SPART: variants seen among roughly 807,000 people sequenced by gnomAD.
The protein encoded by SPART is spastic paraplegia 20 (Troyer syndrome).
Under a neutral mutation model 58.7 loss-of-function variants are expected in SPART, and 35 were observed. The ratio of observed to expected loss-of-function variants is 0.60; its 90% confidence interval spans 0.46 to 0.79. The LOEUF (loss-of-function observed/expected upper bound fraction) is 0.79. SPART is among the 30% of genes least tolerant of loss of function. The probability of loss-of-function intolerance (pLI) is 0.00; values close to 1 mark genes in which losing one functional copy is unlikely to be tolerated. For missense variants in SPART, 730 were observed against 786.1 expected (o/e 0.93, Z 0.85); for synonymous variants, 284 against 280.7 (o/e 1.01, Z -0.12).
At position 36,335,663 on chromosome 13, in the gene SPART, C is replaced by A; in HGVS notation, c.168G>T (p.Gly56=). The A allele has an allele frequency of 6.2e-7, 1 of 1,614,132 alleles. No homozygotes were observed. The highest frequency in any genetic ancestry group is 1.3e-5 in the African/African-American group (1 of 75,026). ...YKQGIGHLLR[G]ISISSKESEH... The stretch of plus-strand genomic sequence containing the variant: ...CAGACTCTTTTGATGAAATGCTGAT[C>A]CCTCTGAGCAGGTGTCCTATTCCTT... Residue 56 remains glycine, a synonymous_variant, in exon 2 of 9, where the codon GGG becomes GGT. Coordinates refer to ENST00000438666, the MANE Select transcript of SPART (RefSeq NM_015087.5).
rs565115485 is a variant in SPART at position 36,356,547 on chromosome 13, A to G, written c.-3+13542T>C. Among the ~76,000 whole-genome samples, 4 of 152,286 alleles carry G rather than the reference A, an allele frequency of 2.6e-5. No homozygotes were observed. The South Asian group carries it at 6.2e-4, about 24-fold the overall frequency. On this transcript the variant is annotated intron_variant, in intron 1 of 8. Transcript: ENST00000355182. Reference sequence around the variant, plus strand: ...GATCCCAGGTCTTTAGACAAACTCAACCGTTGACCAGAAAATGTTTAAATT... The same window carrying G: ...GATCCCAGGTCTTTAGACAAACTCAGCCGTTGACCAGAAAATGTTTAAATT...
Position 36,304,260 on chromosome 13 carries a change from C to T in SPART, c.*105G>A. 7.5e-7 allele frequency: 1 copy of T among 1,335,326 alleles called. No individual in the cohort carries two copies. The highest frequency in any genetic ancestry group is 1.4e-5 in the African/African-American group (1 of 69,230). 82.7% of individuals were successfully genotyped at this position (1,335,326 alleles called of 1,614,324 possible). A position where few individuals can be genotyped will look rare whatever the true frequency, so the allele number is the denominator to read the frequency against. ...GAAAGTTAATTTGTAGGAATGAATA[C>T]ATTTAAAAAATACTGGTTAATCTGT... On this transcript the variant is annotated 3_prime_UTR_variant, in exon 9 of 9. Transcript: ENST00000438666.
Position 36,314,289 on chromosome 13 carries a change from G to A in SPART, c.1421C>T (p.Thr474Ile), listed in dbSNP as rs760212570. 6.2e-7 allele frequency: 1 copy of A among 1,614,096 alleles called. No homozygotes were observed. Among genetic ancestry groups the A allele is most frequent in the Non-Finnish European group, 8.5e-7 (1 of 1,180,018 alleles). Residue 474 changes from threonine (T) to isoleucine (I), a missense_variant, in exon 6 of 9, where the codon ACC becomes ATC. Thr to Ile is a moderately conservative substitution (Grantham distance 89, BLOSUM62 -1). Coordinates refer to ENST00000438666, the MANE Select transcript of SPART (RefSeq NM_015087.5). ...TTGCTTCGCTATATAAAGTCCCTTG[G>A]TGACAGCTGGACTAACTTCCACGGG... ...EKPVEVSPAV[T>I]KGLYIAKQAT...
chr13:36,312,321 T>C lies in SPART; in HGVS notation c.1640A>G (p.Gln547Arg). The C allele has an allele frequency of 1.2e-6, 2 of 1,614,094 alleles. No homozygotes were observed. Among genetic ancestry groups the C allele is most frequent in the South Asian group, 2.2e-5 (2 of 91,074 alleles). Residue 547 changes from glutamine (Q) to arginine (R), a missense_variant and splice_region_variant, in exon 7 of 9, where the codon CAA (glutamine) becomes CGA (arginine). Physicochemically the swap from Gln to Arg is conservative, Grantham distance 43. Transcript: ENST00000438666. ...GAMVVAASSV[Q>R]GFSTVWQGLE... The stretch of plus-strand genomic sequence containing the variant: ...TAAAATTCTGGGCCCTTTGTTACCT[T>C]GAACACTACTTGCTGCTACAACCAT...
chr13:36,303,048 C>G lies in SPART; in HGVS notation c.*1317G>C, dbSNP rs1463093925. 1 of 152,144 alleles carries G rather than the reference C, an allele frequency of 6.6e-6. No homozygotes were observed. Among genetic ancestry groups the G allele is most frequent in the African/African-American group, 2.4e-5 (1 of 41,430 alleles). 9.4% of individuals were successfully genotyped at this position (152,144 alleles called of 1,614,324 possible). A position where few individuals can be genotyped will look rare whatever the true frequency, so the allele number is the denominator to read the frequency against. ...CTATTTACCACTTCACTTTTATTTC[C>G]ATTTTAACAACTAGTACATTATCCT... On this transcript the variant is annotated 3_prime_UTR_variant, in exon 9 of 9. Coordinates refer to ENST00000438666, the MANE Select transcript of SPART (RefSeq NM_015087.5).
At chr13:36,336,346 C>T (rs1884002827) in intron 1 of SPART, 1 of 153,216 alleles carries the variant, frequency 6.5e-6, no homozygotes, top group African/African-American at 2.4e-5. Context: ...CCCCAAATCC[C>T]ACTAAGATGA....
In SPART at chr13:36,335,488, G is replaced by A. The variant is rs1883909920; in HGVS notation, c.343C>T (p.Pro115Ser). Residue 115 changes from proline to serine, a missense_variant, in exon 2 of 9, where the codon CCA (proline) becomes TCA (serine). Coordinates refer to ENST00000438666, the MANE Select transcript of SPART (RefSeq NM_015087.5). ...NDLQEVPKLYPEFPPKDMCEK... is the reference protein window; with the variant it reads ...NDLQEVPKLYSEFPPKDMCEK... ...CACATGTCTTTAGGTGGAAATTCTG[G>A]ATATAACTTGGGCACCTCCTGAAGA... 1 of 1,614,082 alleles carries A rather than the reference G, an allele frequency of 6.2e-7. No individual in the cohort carries two copies. Among genetic ancestry groups the A allele is most frequent in the East Asian group, 2.2e-5 (1 of 44,882 alleles).
chr13:36,336,633 G>A (rs144289502), intron 1 of SPART, among the ~76,000 whole-genome samples: 1 of 152,228 alleles, frequency 6.6e-6, no homozygotes, highest in Non-Finnish European at 1.5e-5. Flanking sequence ...AAAACCGGCA[G>A]TTTCTACTAA....
At chr13:36,342,159 A>G (rs2137623912) in intron 1 of SPART, among the ~76,000 whole-genome samples, 1 of 152,330 alleles carries the variant, frequency 6.6e-6, no homozygotes, top group South Asian at 2.1e-4. Flanking sequence ...CACTATCCCC[A>G]CGCATCATTT....
At chr13:36,365,727 T>C (rs1886027648) in intron 1 of SPART, 1 of 380,562 alleles carries the variant, frequency 2.6e-6, no homozygotes, top group African/African-American at 2.1e-5. Flanking sequence ...TTTATCTCCA[T>C]AGCTCCAGCA....
chr13:36,368,370 G>A, intron 1 of SPART: 1 of 178,338 alleles, frequency 5.6e-6, no homozygotes, highest in Non-Finnish European at 1.3e-5. Flanking sequence ...TTGAGATCAT[G>A]TTTATCCATC....
chr13:36,333,783 T>C (rs1212720741), intron 2 of SPART, among the ~76,000 whole-genome samples: 1 of 152,150 alleles, frequency 6.6e-6, no homozygotes, highest in Non-Finnish European at 1.5e-5. Flanking sequence ...TAGTAGAAAC[T>C]GTTATAGCTT....
chr13:36,354,545 G>A (rs530574544), intron 1 of SPART, among the ~76,000 whole-genome samples: 2 of 152,314 alleles, frequency 1.3e-5, no homozygotes, highest in South Asian at 4.1e-4. Flanking sequence ...ATAACACTTT[G>A]CACATGTTGT....
chr13:36,355,623 G>A (rs576833260), intron 1 of SPART, among the ~76,000 whole-genome samples: 5 of 152,200 alleles, frequency 3.3e-5, no homozygotes, highest in Non-Finnish European at 7.3e-5. Flanking sequence ...AACTGTGAAA[G>A]TGTAAAATCA....
chr13:36,314,259 G>GT lies in SPART; in HGVS notation c.1450dup (p.Thr484AsnfsTer13), dbSNP rs730882198. 2 of 1,614,062 alleles carry GT rather than the reference G, an allele frequency of 1.2e-6. No homozygotes were observed. The highest frequency in any genetic ancestry group is 2.2e-5 in the South Asian group (2 of 91,074). On this transcript the variant is annotated frameshift_variant, in exon 6 of 9. Transcript: ENST00000438666. LOFTEE classifies it high-confidence loss of function. ...CTGACTGACTTTTGCTGCTCCTCCT[G>GT]TAGCTTGCTTCGCTATATAAAGTCC...
At chr13:36,362,352 C>CACA (rs1885895370) in intron 1 of SPART, among the ~76,000 whole-genome samples, 1 of 117,962 alleles carries the variant, frequency 8.5e-6, no homozygotes, top group Non-Finnish European at 1.7e-5. Context: ...ACTTCCATCT[C>CACA]AAAAAAAAAA....
chr13:36,337,582 G>C (rs1385729808), intron 1 of SPART, among the ~76,000 whole-genome samples: 1 of 151,992 alleles, frequency 6.6e-6, no homozygotes, highest in African/African-American at 2.4e-5. Context: ...TTCATCTTCC[G>C]CCATGACTGT....
At chr13:36,308,197 T>A (rs576431264) in intron 8 of SPART, among the ~76,000 whole-genome samples, 1 of 152,156 alleles carries the variant, frequency 6.6e-6, no homozygotes, top group Non-Finnish European at 1.5e-5. Context: ...CACTAAGTTA[T>A]TACTGGTTCA....
intron 8 of SPART, among the ~76,000 whole-genome samples, chr13:36,305,208 T>C (rs1429893498): frequency 1.3e-5 from 2 of 152,138 alleles, no homozygotes; most frequent in South Asian, 2.1e-4. Context: ...TACTGGCTGC[T>C]CTCTGCTTGG....
Sources: gnomAD v4.1 joint callset for allele counts (sites outside exome capture counted in the v4.1 genomes callset) on GRCh38, gnomAD v4.1.1 for gene constraint, MANE v1.5 for transcripts, NCBI Gene and HGNC (gene_info 2026-07-23, HGNC 2026-07-21) for gene names.